FNBP4: variants seen among roughly 807,000 people sequenced by gnomAD.
The protein encoded by FNBP4 is formin-binding protein 4.
In FNBP4, 34 loss-of-function variants were observed where a neutral mutation model predicts 119.3. The ratio of observed to expected loss-of-function variants is 0.28; its 90% CI spans 0.22 to 0.38. The LOEUF is 0.38. FNBP4 is among the 10% of genes least tolerant of loss of function. FNBP4 has a pLI of 1.00. For synonymous variants in FNBP4, 462 were observed against 430.6 expected (o/e 1.07, Z -0.90); for missense variants, 1,112 against 1,228.9 (o/e 0.90, Z 1.42).
intron 8 of FNBP4, among the ~76,000 whole-genome samples, chr11:47,740,137 A>C (rs2097579841): frequency 6.6e-6 from 1 of 151,734 alleles, no homozygotes; most frequent in Non-Finnish European, 1.5e-5. Context: ...TAAATTGGTC[A>C]GGCGCAGTGT....
chr11:47,719,180 G>A (rs1316160097), intron 16 of FNBP4, among the ~76,000 whole-genome samples: 1 of 152,212 alleles, frequency 6.6e-6, no homozygotes, highest in African/African-American at 2.4e-5. Flanking sequence ...GAGCCACCGT[G>A]CCCAGCCCAA....
chr11:47,720,206 A>G (rs898170192), intron 15 of FNBP4, 120 bp from the exon 16 acceptor site: 1 of 895,206 alleles, frequency 1.1e-6, no homozygotes, highest in Non-Finnish European at 1.6e-6. Flanking sequence ...TTAAAAAAGA[A>G]AGTAAATACC....
intron 10 of FNBP4, among the ~76,000 whole-genome samples, chr11:47,733,643 G>A (rs2097570181): frequency 6.6e-6 from 1 of 152,026 alleles, no homozygotes; most frequent in African/African-American, 2.4e-5. Flanking sequence ...CAAGGGTTCA[G>A]TTCTTAAGAA....
intron 16 of FNBP4, among the ~76,000 whole-genome samples, chr11:47,718,379 A>C (rs959048440): frequency 3.3e-5 from 5 of 151,702 alleles, no homozygotes; most frequent in Non-Finnish European, 7.4e-5. Flanking sequence ...ATGTCCAGCT[A>C]ATTTTTATAT....
chr11:47,753,779 G>A (rs1038234337), intron 3 of FNBP4, among the ~76,000 whole-genome samples: 5 of 151,982 alleles, frequency 3.3e-5, no homozygotes, highest in Non-Finnish European at 7.4e-5. Flanking sequence ...CTGGGTGACA[G>A]TAAGACCCAG....
intron 16 of FNBP4, 117 bp downstream of exon 16, chr11:47,719,812 T>A (rs1331842653): frequency 9.3e-7 from 1 of 1,078,180 alleles, no homozygotes; most frequent in Admixed American, 2.8e-5. Context: ...TTACAAGCTG[T>A]GATTTTAAGA....
chr11:47,746,997 TCATAA>T (rs1199177015), intron 6 of FNBP4, among the ~76,000 whole-genome samples: 1 of 152,166 alleles, frequency 6.6e-6, no homozygotes, highest in Non-Finnish European at 1.5e-5. Flanking sequence ...TTTTGTCAGC[TCATAA>T]CATGACTGGA....
At chr11:47,736,253 G>GA (rs11439747) in intron 9 of FNBP4, among the ~76,000 whole-genome samples, 101,267 of 143,756 alleles carry the variant, frequency 0.7, 36,957 homozygotes, top group Middle Eastern at 0.84. Context: ...GAAAAAAAAA[G>GA]AAAAAAAAAA....
chr11:47,752,102 C>T (rs1357051494), intron 4 of FNBP4, among the ~76,000 whole-genome samples: 1 of 152,076 alleles, frequency 6.6e-6, no homozygotes, highest in Admixed American at 6.6e-5. Context: ...GCCGACTATC[C>T]TACCTACCAT....
chr11:47,729,145 C>T (rs2097564618), intron 12 of FNBP4: 1 of 984,784 alleles, frequency 1.0e-6, no homozygotes, highest in Non-Finnish European at 1.2e-6. Context: ...AGCCACTGCA[C>T]CCGGCCTAGG....
intron 13 of FNBP4, 124 bp downstream of exon 13, chr11:47,724,344 A>T (rs771174354): frequency 6.7e-5 from 104 of 1,547,814 alleles, no homozygotes; most frequent in Non-Finnish European, 8.7e-5. Context: ...GACCTCCCAA[A>T]GGTCTAGGAT....
Position 47,717,389 on chromosome 11 carries a change from C to T in FNBP4, c.*33G>A, listed in dbSNP as rs751917289. On this transcript the variant is annotated 3_prime_UTR_variant, in exon 17 of 17. Transcript: ENST00000263773. ...GACTTTGAACTGAACACAAAACAAA[C>T]AATAATACAAAAAAGTTTTAAAAAC... 2.1e-6 allele frequency: 3 copies of T among 1,438,344 alleles called. No individual in the cohort carries two copies. Among genetic ancestry groups the T allele is most frequent in the African/African-American group, 1.4e-5 (1 of 71,274 alleles). 89.1% of individuals were successfully genotyped at this position (1,438,344 alleles called of 1,614,324 possible).
At chr11:47,763,956 C>T (rs1327783337) in intron 2 of FNBP4, among the ~76,000 whole-genome samples, 3 of 152,126 alleles carry the variant, frequency 2.0e-5, no homozygotes, top group Non-Finnish European at 4.4e-5. Context: ...CCTCTTATGG[C>T]TTGAATGTGC....
intron 8 of FNBP4, among the ~76,000 whole-genome samples, chr11:47,740,651 T>C (rs2097580637): frequency 6.6e-6 from 1 of 151,356 alleles, no homozygotes; most frequent in African/African-American, 2.4e-5. Context: ...TGAAGTGCAG[T>C]GGCACAAACT....
At position 47,736,724 on chromosome 11, in the gene FNBP4, AT is replaced by A. The variant is rs1393267467; in HGVS notation, c.1472del (p.Asn491IlefsTer5). 6.3e-7 allele frequency: 1 copy of A among 1,599,868 alleles called. No individual in the cohort carries two copies. The highest frequency in any genetic ancestry group is 8.5e-7 in the Non-Finnish European group (1 of 1,170,306). On this transcript the variant is annotated frameshift_variant, in exon 9 of 17. Coordinates refer to ENST00000263773, the MANE Select transcript of FNBP4 (RefSeq NM_015308.5). LOFTEE classifies it high-confidence loss of function. ...ENGETAIGAENSEKIDENSDK... is the reference protein window; with the variant it reads ...ENGETAIGAEXSEKIDENSDK... ...CTGAATTCTCATCTATTTTTTCTGA[AT>A]TTTCAGCACCAATTGCTGTAAAAAA...
intron 6 of FNBP4, among the ~76,000 whole-genome samples, chr11:47,749,131 T>C (rs1267447876): frequency 7.3e-6 from 1 of 136,698 alleles, no homozygotes; most frequent in Non-Finnish European, 1.6e-5. Context: ...AAACAAAACC[T>C]GGCATGGTGG....
At chr11:47,753,257 T>C (rs1236591702) in intron 3 of FNBP4, among the ~76,000 whole-genome samples, 155 bp from the exon 4 acceptor site, 1 of 152,126 alleles carries the variant, frequency 6.6e-6, no homozygotes, top group African/African-American at 2.4e-5. Flanking sequence ...GGTGGATCAC[T>C]TGAGGTCAGG....
At chr11:47,755,739 C>T (rs578258170) in intron 2 of FNBP4, among the ~76,000 whole-genome samples, 16 of 151,294 alleles carry the variant, frequency 1.1e-4, no homozygotes, top group Admixed American at 4.6e-4. Flanking sequence ...TGCATTAAGC[C>T]GAAACATCTC....
chr11:47,730,439 C>T (rs1381198169), intron 12 of FNBP4, among the ~76,000 whole-genome samples: 1 of 152,192 alleles, frequency 6.6e-6, no homozygotes, highest in African/African-American at 2.4e-5. Flanking sequence ...TTAACAAAAT[C>T]ATCTGGTACA....
Sources: allele counts gnomAD v4.1 joint callset (sites outside exome capture counted in the v4.1 genomes callset), GRCh38; gene constraint gnomAD v4.1.1; transcripts MANE v1.5; gene names NCBI Gene and HGNC (gene_info 2026-07-23, HGNC 2026-07-21).